Variants in ANXA8 observed in about 807,000 individuals in gnomAD.
The protein encoded by ANXA8 is annexin A8, also known as VAC-beta.
Under a neutral mutation model 26.8 loss-of-function variants are expected in ANXA8, and 9 were observed. The observed-to-expected ratio is 0.34, with a 90% confidence interval of 0.20 to 0.59. The LOEUF (loss-of-function observed/expected upper bound fraction) is 0.59, where lower values mean the gene tolerates loss of function less well. ANXA8 is among the 20% of genes least tolerant of loss of function. The pLI, the probability that ANXA8 is intolerant of heterozygous loss-of-function variation, is 0.84. For synonymous variants in ANXA8, 39 were observed against 94.8 expected (o/e 0.41, Z 3.42); for missense variants, 83 against 238.5 (o/e 0.35, Z 4.29).
the ANXA8 span, among the ~76,000 whole-genome samples, chr10:47,684,868 G>A: frequency 5.0e-4 from 75 of 150,012 alleles, no homozygotes; most frequent in Admixed American, 1.6e-3. Context: ...TTATAAGCAT[G>A]AGCCACCGCG....
At chr10:47,936,075 C>G in the ANXA8 span, among the ~76,000 whole-genome samples, 1 of 138,526 alleles carries the variant, frequency 7.2e-6, no homozygotes, top group Non-Finnish European at 1.6e-5. Context: ...GTAGTTTTGC[C>G]TTTTCCGGAA....
chr10:47,747,102 A>G, the ANXA8 span, among the ~76,000 whole-genome samples: 5 of 145,708 alleles, frequency 3.4e-5, no homozygotes, highest in African/African-American at 1.3e-4. Context: ...ACAAGGAGGC[A>G]AGCTGGCCCT....
Position 47,475,088 on chromosome 10 carries a change from C to A in ANXA8, c.493-84G>T. ...CAGGGGGGATCCTGGGCTTGGAGGG[C>A]AGGCATGGCTCTGCTGCTCTTTGGC... On this transcript the variant is annotated intron_variant, in intron 6 of 11. Coordinates refer to ENST00000585281, the MANE Select transcript of ANXA8 (RefSeq NM_001040084.3). 1.8e-5 allele frequency: 26 copies of A among 1,420,830 alleles called. 1 individual carries two copies. The highest frequency in any genetic ancestry group is 2.4e-5 in the Non-Finnish European group (26 of 1,063,834). 88.0% of individuals were successfully genotyped at this position (1,420,830 alleles called of 1,614,324 possible).
the ANXA8 span, among the ~76,000 whole-genome samples, chr10:47,685,048 A>G: frequency 6.6e-6 from 1 of 150,730 alleles, no homozygotes; most frequent in Admixed American, 6.6e-5. Flanking sequence ...TAACAGTTAT[A>G]TATAATAACC....
chr10:47,496,592 T>C, the ANXA8 span, among the ~76,000 whole-genome samples: 3,445 of 118,532 alleles, frequency 0.029, no homozygotes, highest in Non-Finnish European at 0.041. Flanking sequence ...AATGTCCTTT[T>C]TCTGTTCCCA....
At chr10:47,663,390 A>T in the ANXA8 span, among the ~76,000 whole-genome samples, 23 of 120,992 alleles carry the variant, frequency 1.9e-4, no homozygotes, top group South Asian at 1.2e-3. Context: ...GTTAAAAAAA[A>T]TTTTTTTTTT....
the ANXA8 span, among the ~76,000 whole-genome samples, chr10:47,619,185 A>G: frequency 1.8e-5 from 2 of 113,310 alleles, 1 homozygote; most frequent in African/African-American, 6.8e-5. Context: ...GAATCACTTC[A>G]GCAGTGCAAA....
the ANXA8 span, among the ~76,000 whole-genome samples, chr10:47,951,845 C>T: frequency 7.4e-6 from 1 of 135,246 alleles, no homozygotes; most frequent in East Asian, 2.6e-4. Flanking sequence ...AAGGAATATA[C>T]ATGCAAACAT....
At chr10:47,678,504 A>C in the ANXA8 span, among the ~76,000 whole-genome samples, 1 of 147,588 alleles carries the variant, frequency 6.8e-6, no homozygotes, top group Non-Finnish European at 1.5e-5. Context: ...ACCAGATATA[A>C]TATCCAAAAC....
chr10:47,591,029 G>C, the ANXA8 span, among the ~76,000 whole-genome samples: 1 of 141,724 alleles, frequency 7.1e-6, no homozygotes, highest in East Asian at 2.0e-4. Flanking sequence ...TACCACTCAG[G>C]GCCTCTATTT....
the ANXA8 span, among the ~76,000 whole-genome samples, chr10:47,513,984 C>G: frequency 7.2e-6 from 1 of 139,074 alleles, no homozygotes; most frequent in South Asian, 2.3e-4. Flanking sequence ...TGGGCAAAGA[C>G]TTCATGACCA....
chr10:47,470,297 T>A (rs1471642346), intron 11 of ANXA8, among the ~76,000 whole-genome samples: 1 of 150,628 alleles, frequency 6.6e-6, no homozygotes, highest in African/African-American at 2.5e-5. Flanking sequence ...GTAACAACAT[T>A]AGATAAAATT....
upstream of ANXA8, among the ~76,000 whole-genome samples, chr10:47,488,241 T>G (rs1840080712): frequency 7.2e-6 from 1 of 139,648 alleles, no homozygotes; most frequent in Non-Finnish European, 1.5e-5. Context: ...GACAGAGTCT[T>G]GCTCTGTCAC....
the ANXA8 span, among the ~76,000 whole-genome samples, chr10:47,576,703 A>G: frequency 6.6e-6 from 1 of 150,436 alleles, no homozygotes; most frequent in South Asian, 2.1e-4. Context: ...TATTTTTTGG[A>G]GAGACAAGGT....
chr10:47,706,894 C>G, the ANXA8 span: 1 of 548,298 alleles, frequency 1.8e-6, no homozygotes, highest in East Asian at 4.1e-5. Context: ...GAGCTCCCCT[C>G]CCTTCAGATT....
chr10:47,623,304 G>A, the ANXA8 span, among the ~76,000 whole-genome samples: 3 of 110,618 alleles, frequency 2.7e-5, no homozygotes, highest in African/African-American at 7.0e-5. Flanking sequence ...TGTACACAAC[G>A]CAAGGGCTTG....
At chr10:47,527,925 C>T in the ANXA8 span, among the ~76,000 whole-genome samples, 1 of 149,134 alleles carries the variant, frequency 6.7e-6, no homozygotes, top group Non-Finnish European at 1.5e-5. Context: ...AGAAGGGCCC[C>T]AAAAGGCACA....
the ANXA8 span, among the ~76,000 whole-genome samples, chr10:47,667,278 A>G: frequency 6.6e-6 from 1 of 151,980 alleles, no homozygotes; most frequent in African/African-American, 2.4e-5. Flanking sequence ...TGTATGTAAC[A>G]TTGAGATTGA....
At chr10:47,554,110 AAAAT>A in the ANXA8 span, among the ~76,000 whole-genome samples, 1,213 of 129,860 alleles carry the variant, frequency 9.3e-3, 11 homozygotes, top group East Asian at 0.015. Flanking sequence ...CATCTCTCAA[AAAAT>A]AAATAAATAA....
Sources: allele counts gnomAD v4.1 joint callset (sites outside exome capture counted in the v4.1 genomes callset), GRCh38; gene constraint gnomAD v4.1.1; transcripts MANE v1.5; gene names NCBI Gene and HGNC (gene_info 2026-07-23, HGNC 2026-07-21).